CSMD2: variants seen among roughly 807,000 people sequenced by gnomAD.
CSMD2 encodes CUB and Sushi multiple domains 2.
Under a neutral mutation model 398.5 loss-of-function variants are expected in CSMD2, and 130 were observed. The ratio of observed to expected loss-of-function variants is 0.33; its 90% CI spans 0.28 to 0.38. CSMD2 has a LOEUF of 0.38. Ranked by LOEUF, CSMD2 falls within the 10% of genes least tolerant of loss-of-function variation. The pLI is 1.00. For missense variants in CSMD2, 3,829 were observed against 4,764.9 expected (o/e 0.80, Z 5.78); for synonymous variants, 1,828 against 1,908.5 (o/e 0.96, Z 1.10).
chr1:33,618,034 A>AGAGACAGAGAGC lies in CSMD2; in HGVS notation c.5828-418_5828-417insGCTCTCTGTCTC, dbSNP rs1162297454. On this transcript the variant is annotated intron_variant, in intron 37 of 70. Transcript: ENST00000373381. ...TGGGCTAAGACAGAGAGACAGAGAGAGAGAGAGGGAAAAGAAGGTCAAGAA... is the reference window on the plus strand; with the variant it reads ...TGGGCTAAGACAGAGAGACAGAGAGAGAGACAGAGAGCGAGAGAGGGAAAAGAAGGTCAAGAA... Among the ~76,000 whole-genome samples, 712 of 152,290 alleles carry AGAGACAGAGAGC rather than the reference A, an allele frequency of 4.7e-3. 4 individuals are homozygous for AGAGACAGAGAGC. The highest frequency in any genetic ancestry group is 0.017 in the African/African-American group (687 of 41,540).
intron 26 of CSMD2, among the ~76,000 whole-genome samples, chr1:33,659,379 G>A (rs1644054194): frequency 6.6e-6 from 1 of 152,184 alleles, no homozygotes; most frequent in African/African-American, 2.4e-5. Flanking sequence ...GCTGACAGCG[G>A]GGCCCGGTCC....
chr1:33,579,362 G>A lies in CSMD2; in HGVS notation c.7387+1391C>T, dbSNP rs540992011. 2.6e-5 allele frequency among the ~76,000 whole-genome samples: 4 copies of A among 152,234 alleles called. No individual in the cohort carries two copies. In the South Asian group the frequency reaches 8.3e-4, roughly 32 times the overall value. On this transcript the variant is annotated intron_variant, in intron 48 of 70. Coordinates refer to ENST00000373381, the MANE Select transcript of CSMD2 (RefSeq NM_001281956.2). ...CCCACAGCTAGTAGGTGAGAGAGCT[G>A]GTCACTGACATTGGGGCACTCAGTC...
intron 3 of CSMD2, among the ~76,000 whole-genome samples, chr1:33,953,403 C>T (rs1645067888): frequency 6.6e-6 from 1 of 152,040 alleles, no homozygotes; most frequent in Non-Finnish European, 1.5e-5. Context: ...CCTGAATCCT[C>T]GCACAGTCTG....
chr1:33,765,056 A>G (rs896686239), intron 13 of CSMD2, among the ~76,000 whole-genome samples: 2 of 152,250 alleles, frequency 1.3e-5, no homozygotes, highest in African/African-American at 2.4e-5. Context: ...TGGAGCTGTT[A>G]TATTTAGAAA....
At chr1:33,584,351 C>T (rs1315077975) in intron 46 of CSMD2, among the ~76,000 whole-genome samples, 1 of 152,146 alleles carries the variant, frequency 6.6e-6, no homozygotes, top group Non-Finnish European at 1.5e-5. Context: ...ATAACACAGA[C>T]CTTACAGGGC....
At chr1:33,991,045 G>A (rs1445980019) in intron 3 of CSMD2, among the ~76,000 whole-genome samples, 2 of 151,476 alleles carry the variant, frequency 1.3e-5, no homozygotes, top group Non-Finnish European at 2.9e-5. Flanking sequence ...TAGAGACAGG[G>A]CCTCTGTCTG....
In CSMD2 at chr1:34,015,423, C is replaced by T. The variant is rs377411087; in HGVS notation, c.517+17171G>A. On this transcript the variant is annotated intron_variant, in intron 3 of 70. Coordinates refer to ENST00000373381, the MANE Select transcript of CSMD2 (RefSeq NM_001281956.2). ...GCTTATCCTATTGTCCCAGCAGTGT[C>T]CTTTCTCTTCCCTGCCTCCAGAAGT... Among the ~76,000 whole-genome samples, 3 of 152,336 alleles carry T rather than the reference C, an allele frequency of 2.0e-5. No homozygotes were observed. The East Asian group carries it at 5.8e-4, about 29-fold the overall frequency.
chr1:33,562,075 T>C (rs1178650218), intron 53 of CSMD2, among the ~76,000 whole-genome samples: 1 of 152,192 alleles, frequency 6.6e-6, no homozygotes, highest in Admixed American at 6.5e-5. Flanking sequence ...CAAAAAGCTC[T>C]ACAGGAGGGG....
Position 33,519,817 on chromosome 1 carries a change from C to T in CSMD2, c.10731G>A (p.Lys3577=), listed in dbSNP as rs375118791. ...IIAGFVLYLY[K]HRRRPKVPFN... ...GCCTCCTTCCTGCACGGTACCTGTG[C>T]TTGTAGAGATAGAGCACGAAGCCCG... Residue 3577 remains lysine, a synonymous_variant, in exon 69 of 71, where the codon AAG becomes AAA. Coordinates refer to ENST00000373381, the MANE Select transcript of CSMD2 (RefSeq NM_001281956.2). This position sits in a 1 kb window ranked among gnomAD's most constrained non-coding sequence, Gnocchi z 5.6. 1.5e-5 allele frequency: 25 copies of T among 1,613,594 alleles called. No individual in the cohort carries two copies. The highest frequency in any genetic ancestry group is 2.0e-5 in the Non-Finnish European group (24 of 1,179,922).
chr1:34,131,213 C>A (rs1033091392), intron 1 of CSMD2, among the ~76,000 whole-genome samples: 9 of 152,152 alleles, frequency 5.9e-5, no homozygotes, highest in Non-Finnish European at 1.3e-4. Context: ...GCTATTATAA[C>A]CCCACTTTAC....
chr1:34,085,306 A>G (rs1326080908), intron 2 of CSMD2, among the ~76,000 whole-genome samples: 1 of 152,082 alleles, frequency 6.6e-6, no homozygotes, highest in Non-Finnish European at 1.5e-5. Flanking sequence ...GGTGCAGCAC[A>G]CCAACATGGC....
In CSMD2 at chr1:33,623,847, C is replaced by A. The variant is rs538335637; in HGVS notation, c.5626-381G>T. Among the ~76,000 whole-genome samples, 5 of 152,330 alleles carry A rather than the reference C, an allele frequency of 3.3e-5. 1 individual carries two copies. In the South Asian group the frequency reaches 1.0e-3, roughly 32 times the overall value. On this transcript the variant is annotated intron_variant, in intron 35 of 70. Coordinates refer to ENST00000373381, the MANE Select transcript of CSMD2 (RefSeq NM_001281956.2). ...GTCCTGCAGCAATGAGCCCGTAACC[C>A]ACTCCTGCCCAGATCTGTCTGCTGG...
At chr1:33,720,417 A>G (rs1334302573) in intron 19 of CSMD2, among the ~76,000 whole-genome samples, 2 of 152,100 alleles carry the variant, frequency 1.3e-5, no homozygotes, top group African/African-American at 4.8e-5. Flanking sequence ...AGCTGGGGAG[A>G]GGGGGTCAGG....
In CSMD2 at chr1:34,132,162, G is replaced by A. The variant is rs117834076; in HGVS notation, c.187+32749C>T. On this transcript the variant is annotated intron_variant, in intron 1 of 70. Transcript: ENST00000373381. ...GAGGACTCGCCTCTGGAACAGACTC[G>A]GGATGGATGTCAGGCAGAATATCAT... is the stretch of plus-strand genomic sequence containing the variant. Among the ~76,000 whole-genome samples the A allele has an allele frequency of 6.4e-3, 967 of 152,062 alleles. 10 individuals carry two copies. Among genetic ancestry groups the A allele is most frequent in the East Asian group, 0.051 (264 of 5,142 alleles).
rs1641773183 is a variant in CSMD2, at chr1:34,165,193, C to A, written c.-96G>T. 3.4e-6 allele frequency: 4 copies of A among 1,167,536 alleles called. No individual in the cohort carries two copies. The highest frequency in any genetic ancestry group is 4.2e-6 in the Non-Finnish European group (4 of 946,902). The allele number at this position is 1,167,536 out of a possible 1,614,324, so 72.3% of individuals were successfully genotyped here. On this transcript the variant is annotated 5_prime_UTR_variant, in exon 1 of 71. Coordinates refer to ENST00000373381, the MANE Select transcript of CSMD2 (RefSeq NM_001281956.2). ...GAGCTTTTTTCTGCTCGGAAAAAATCCCGGTACGCGGGAGCCCTGAGCTTC... is the reference window on the plus strand; with the variant it reads ...GAGCTTTTTTCTGCTCGGAAAAAATACCGGTACGCGGGAGCCCTGAGCTTC...
Position 34,138,668 on chromosome 1 carries a change from C to T in CSMD2, c.187+26243G>A, listed in dbSNP as rs78881225. Among the ~76,000 whole-genome samples, 199 of 152,208 alleles carry T rather than the reference C, an allele frequency of 1.3e-3. 2 individuals carry two copies. Among genetic ancestry groups the T allele is most frequent in the East Asian group, 0.012 (64 of 5,168 alleles). On this transcript the variant is annotated intron_variant, in intron 1 of 70. Coordinates refer to ENST00000373381, the MANE Select transcript of CSMD2 (RefSeq NM_001281956.2). The stretch of plus-strand genomic sequence containing the variant: ...GGGTAAATTCTTTGAAATGAAATAT[C>T]GAGTCCAAATATATGAATATTTTAA...
chr1:33,594,960 C>T (rs1427809373), intron 44 of CSMD2, among the ~76,000 whole-genome samples: 4 of 152,190 alleles, frequency 2.6e-5, no homozygotes, highest in Admixed American at 2.0e-4. Context: ...CAACATGTTG[C>T]CCTGTAACCC....
At chr1:33,655,925 C>G (rs548917709) in intron 27 of CSMD2, among the ~76,000 whole-genome samples, 8 of 152,334 alleles carry the variant, frequency 5.3e-5, no homozygotes, top group African/African-American at 1.7e-4. Flanking sequence ...TAGCACAATC[C>G]TCCTTCTCCA....
At position 33,671,926 on chromosome 1, in the gene CSMD2, C is replaced by G. The variant is rs549446801; in HGVS notation, c.4053-8834G>C. Among the ~76,000 whole-genome samples, 7 of 152,270 alleles carry G rather than the reference C, an allele frequency of 4.6e-5. No individual in the cohort carries two copies. In the East Asian group the frequency reaches 1.4e-3, roughly 29 times the overall value. ...AAAAACAAAAACAAAAACAAACAAA[C>G]AAATGATTCCCACCTCCCTGCTTAT... On this transcript the variant is annotated intron_variant, in intron 25 of 70. Transcript: ENST00000373381.
Sources: gnomAD v4.1 joint callset for allele counts (sites outside exome capture counted in the v4.1 genomes callset) on GRCh38, gnomAD v4.1.1 for gene constraint, Gnocchi (gnomAD v3.1) non-coding constraint, MANE v1.5 for transcripts, NCBI Gene and HGNC (gene_info 2026-07-23, HGNC 2026-07-21) for gene names.